Variants in UGT2B17 observed in about 807,000 individuals in gnomAD.
UGT2B17 encodes the protein UDP-glucuronosyltransferase 2B17.
UGT2B17 carries 21 observed loss-of-function variants against 48.2 expected under a neutral mutation model. That is an observed-to-expected ratio of 0.44 (90% CI 0.31 to 0.63). The LOEUF (loss-of-function observed/expected upper bound fraction) is 0.63, where lower values mean the gene tolerates loss of function less well. Ranked by LOEUF, UGT2B17 falls within the 20% of genes least tolerant of loss-of-function variation. The pLI, the probability that UGT2B17 is intolerant of heterozygous loss-of-function variation, is 0.08. For missense variants in UGT2B17, 402 were observed against 696.1 expected, an observed-to-expected ratio of 0.58 and a Z score of 4.75; for synonymous variants, 146 against 238.4, an observed-to-expected ratio of 0.61 and a Z score of 3.57.
Position 68,567,786 on chromosome 4 carries a change from C to G in UGT2B17, c.699G>C (p.Trp233Cys), listed in dbSNP as rs1406846291. The change falls in exon 2 of 7, where the codon TGG (tryptophan) becomes TGC (cysteine). Residue 233 changes from tryptophan to cysteine, a missense_variant. Around this residue, in one of 5 missense-constraint regions of UGT2B17, gnomAD observed 106 missense variants for 169.8 expected, o/e 0.62. Transcript: ENST00000317746. ...FWFQAYDLKK[W>C]DQFYSEVLGR... ...CTAGAACTTCACTATAAAACTGGTC[C>G]CACTTCTTCAGATCATATGCTTGAA... 7.4e-7 allele frequency: 1 copy of G among 1,348,170 alleles called. No individual in the cohort carries two copies. The highest frequency in any genetic ancestry group is 9.6e-7 in the Non-Finnish European group (1 of 1,042,780). The allele number at this position is 1,348,170 out of a possible 1,614,324, so 83.5% of individuals were successfully genotyped here.
At chr4:68,547,582 C>A (rs368492117) in intron 6 of UGT2B17, among the ~76,000 whole-genome samples, 4 of 125,084 alleles carry the variant, frequency 3.2e-5, no homozygotes, top group Non-Finnish European at 6.8e-5. Flanking sequence ...AATGGGATCT[C>A]ATTAAACTAA....
intron 6 of UGT2B17, among the ~76,000 whole-genome samples, chr4:68,549,411 A>C (rs1289132867): frequency 8.0e-6 from 1 of 124,954 alleles, no homozygotes; most frequent in African/African-American, 2.7e-5. Context: ...ATATTTGATA[A>C]GGGATAGTAT....
Position 68,570,652 on chromosome 4 carries a change from T to C in UGT2B17, c.-64-2104A>G, listed in dbSNP as rs1264485368. Among the ~76,000 whole-genome samples the C allele has an allele frequency of 1.6e-5, 2 of 126,868 alleles. 1 individual carries two copies. The highest frequency in any genetic ancestry group is 5.4e-5 in the African/African-American group (2 of 36,946). The allele number at this position is 126,868 out of a possible 152,430, so 83.2% of individuals were successfully genotyped here. A position where few individuals can be genotyped will look rare whatever the true frequency, so the allele number is the denominator to read the frequency against. ...TGGAATAGACTGATAGTGATTCATATAGTACAGTTGTGCTGAAGCATTTTG... is the reference window on the plus strand; with the variant it reads ...TGGAATAGACTGATAGTGATTCATACAGTACAGTTGTGCTGAAGCATTTTG... On this transcript the variant is annotated intron_variant, in intron 1 of 6. Transcript: ENST00000317746.
rs1318448932 is a variant in UGT2B17, at chr4:68,537,396, C to T, written c.*229G>A. On this transcript the variant is annotated 3_prime_UTR_variant, in exon 7 of 7. Coordinates refer to ENST00000317746, the MANE Select transcript of UGT2B17 (RefSeq NM_001077.4). ...TAGAATAATAAATTTCAATATAAGC[C>T]CATAAGGTTTTATATTATTATTTTT... is the stretch of plus-strand genomic sequence containing the variant. 1.2e-5 allele frequency: 4 copies of T among 320,572 alleles called. No homozygotes were observed. Among genetic ancestry groups the T allele is most frequent in the Non-Finnish European group, 1.9e-5 (4 of 210,340 alleles). 19.9% of individuals were successfully genotyped at this position (320,572 alleles called of 1,614,324 possible). A position where few individuals can be genotyped will look rare whatever the true frequency, so the allele number is the denominator to read the frequency against.
intron 6 of UGT2B17, among the ~76,000 whole-genome samples, chr4:68,539,709 C>T (rs1474146517): frequency 8.3e-6 from 1 of 119,766 alleles, no homozygotes; most frequent in Non-Finnish European, 1.7e-5. Context: ...GAATTTGAAT[C>T]TTATACAATT....
intron 2 of UGT2B17, among the ~76,000 whole-genome samples, chr4:68,566,979 C>T (rs1290911074): frequency 4.4e-5 from 5 of 114,934 alleles, no homozygotes; most frequent in Non-Finnish European, 7.1e-5. Context: ...ACACCTACTA[C>T]TGTCTTGGTT....
chr4:68,563,143 T>C (rs1409135465), intron 3 of UGT2B17, among the ~76,000 whole-genome samples: 1 of 127,454 alleles, frequency 7.8e-6, no homozygotes. Context: ...AAACACTTGA[T>C]ACTTTTTGGC....
chr4:68,565,876 T>C (rs1442671327), intron 2 of UGT2B17, among the ~76,000 whole-genome samples, 156 bp from the exon 3 acceptor site: 1 of 120,218 alleles, frequency 8.3e-6, no homozygotes, highest in African/African-American at 2.8e-5. Flanking sequence ...AATACATTTA[T>C]ATAATATAAT....
At chr4:68,564,289 TATATA>T (rs1731154844) in intron 3 of UGT2B17, among the ~76,000 whole-genome samples, 1 of 90,110 alleles carries the variant, frequency 1.1e-5, no homozygotes, top group African/African-American at 6.1e-5. Context: ...TATATATATA[TATATA>T]TTTTTTTTTT....
chr4:68,556,997 C>T lies in UGT2B17; in HGVS notation c.1005+3540G>A, dbSNP rs1162290385. Among the ~76,000 whole-genome samples the T allele has an allele frequency of 1.6e-5, 2 of 124,568 alleles. 1 individual carries two copies. The highest frequency in any genetic ancestry group is 3.4e-5 in the Non-Finnish European group (2 of 58,866). 81.7% of individuals were successfully genotyped at this position (124,568 alleles called of 152,430 possible). A position where few individuals can be genotyped will look rare whatever the true frequency, so the allele number is the denominator to read the frequency against. ...AAAGTCCAAAAATGACATAATTTGG[C>T]TTATTTGGTATAAAAATTATACAGG... is the stretch of plus-strand genomic sequence containing the variant. On this transcript the variant is annotated intron_variant, in intron 4 of 6. Coordinates refer to ENST00000317746, the MANE Select transcript of UGT2B17 (RefSeq NM_001077.4).
intron 1 of UGT2B17, among the ~76,000 whole-genome samples, chr4:68,574,753 T>C (rs1161229911): frequency 7.9e-6 from 1 of 126,636 alleles, no homozygotes; most frequent in Non-Finnish European, 1.7e-5. Flanking sequence ...GCCTTATTAC[T>C]TTTAAATTAT....
In UGT2B17 at chr4:68,537,770, T is replaced by C; in HGVS notation, c.1448A>G (p.Asn483Ser). Reference sequence around the variant, plus strand: ...AGAGTGGTACTGGATCCAGGTGAGGTTGTGGGCTGCGACCCGAAGGTGCTT... The same window carrying C: ...AGAGTGGTACTGGATCCAGGTGAGGCTGTGGGCTGCGACCCGAAGGTGCTT... The part of the protein sequence containing the change: ...GAKHLRVAAH[N>S]LTWIQYHSLD... The change falls in exon 7 of 7, where the codon AAC (asparagine) becomes AGC (serine). Residue 483 changes from asparagine (N) to serine (S), a missense_variant. Coordinates refer to ENST00000317746, the MANE Select transcript of UGT2B17 (RefSeq NM_001077.4). 4.4e-6 allele frequency: 6 copies of C among 1,378,702 alleles called. 1 individual carries two copies. Among genetic ancestry groups the C allele is most frequent in the Non-Finnish European group, 5.7e-6 (6 of 1,054,634 alleles). 85.4% of individuals were successfully genotyped at this position (1,378,702 alleles called of 1,614,324 possible).
chr4:68,543,205 C>T (rs538564281), intron 6 of UGT2B17, among the ~76,000 whole-genome samples: 1 of 125,724 alleles, frequency 8.0e-6, no homozygotes, highest in African/African-American at 2.7e-5. Flanking sequence ...GGCAGACTGA[C>T]ACCTCACACA....
chr4:68,568,208 T>A lies in UGT2B17; in HGVS notation c.277A>T (p.Met93Leu). The change falls in exon 2 of 7, where the codon ATG becomes TTG. Residue 93 changes from methionine to leucine, a missense_variant. By Grantham distance (15) the Met-to-Leu change is conservative. This residue lies in a region of UGT2B17 where 84 missense variants were observed against 92.6 expected (regional missense o/e 0.91). Coordinates refer to ENST00000317746, the MANE Select transcript of UGT2B17 (RefSeq NM_001077.4). ...KNDLEDFFMK[M>L]FDRWTYSISK... ...ATACTATATGTCCATCTATCGAACA[T>A]TTTCATAAAAAAATCTTCCAAATCA... 1.5e-6 allele frequency: 2 copies of A among 1,372,814 alleles called. 1 individual carries two copies. The highest frequency in any genetic ancestry group is 1.9e-6 in the Non-Finnish European group (2 of 1,052,612). 85.0% of individuals were successfully genotyped at this position (1,372,814 alleles called of 1,614,324 possible).
At chr4:68,564,909 T>C (rs1387145842) in intron 3 of UGT2B17, among the ~76,000 whole-genome samples, 3 of 124,538 alleles carry the variant, frequency 2.4e-5, no homozygotes, top group Admixed American at 8.3e-5. Flanking sequence ...GGTTTTACCA[T>C]GTTGCCCAGG....
chr4:68,562,244 T>G, intron 3 of UGT2B17, among the ~76,000 whole-genome samples: 1 of 123,932 alleles, frequency 8.1e-6, no homozygotes, highest in Non-Finnish European at 1.7e-5. Context: ...GCCTCCTGAG[T>G]AGCTGGGATT....
Position 68,554,434 on chromosome 4 carries a change from T to A in UGT2B17, c.1006-2523A>T, listed in dbSNP as rs1730967135. Among the ~76,000 whole-genome samples, 3 of 125,772 alleles carry A rather than the reference T, an allele frequency of 2.4e-5. 1 individual carries two copies. Among genetic ancestry groups the A allele is most frequent in the African/African-American group, 8.1e-5 (3 of 36,826 alleles). 82.5% of individuals were successfully genotyped at this position (125,772 alleles called of 152,430 possible). A position where few individuals can be genotyped will look rare whatever the true frequency, so the allele number is the denominator to read the frequency against. On this transcript the variant is annotated intron_variant, in intron 4 of 6. Transcript: ENST00000317746. ...CTGTAGAGTTCCTAAGTTCTCTCTTTTTTAAAAATTTTCTTTTATTCTTGC... is the reference window on the plus strand; with the variant it reads ...CTGTAGAGTTCCTAAGTTCTCTCTTATTTAAAAATTTTCTTTTATTCTTGC...
Position 68,550,910 on chromosome 4 carries a change from C to A in UGT2B17, c.1094-14G>T, listed in dbSNP as rs751132085. The stretch of plus-strand genomic sequence containing the variant: ...TTTTGGGATGACCTAAAAGTGGATG[C>A]ATTTTAACAAAGTTATTAATTATAA... On this transcript the variant is annotated splice_polypyrimidine_tract_variant and intron_variant, in intron 5 of 6. Coordinates refer to ENST00000317746, the MANE Select transcript of UGT2B17 (RefSeq NM_001077.4). 9.7e-6 allele frequency: 13 copies of A among 1,343,832 alleles called. 4 individuals carry two copies. The South Asian group carries it at 2.3e-4, about 24-fold the overall frequency. The allele number at this position is 1,343,832 out of a possible 1,614,324, so 83.2% of individuals were successfully genotyped here.
chr4:68,545,687 T>C lies in UGT2B17; in HGVS notation c.1313+4990A>G, dbSNP rs1406183773. Reference sequence around the variant, plus strand: ...ATTGATAGACTGCTAGCAAGACTAATAAAGAAGAAAAGAGAGACGAATCAA... The same window carrying C: ...ATTGATAGACTGCTAGCAAGACTAACAAAGAAGAAAAGAGAGACGAATCAA... On this transcript the variant is annotated intron_variant, in intron 6 of 6. Coordinates refer to ENST00000317746, the MANE Select transcript of UGT2B17 (RefSeq NM_001077.4). Among the ~76,000 whole-genome samples the C allele has an allele frequency of 1.6e-5, 2 of 124,278 alleles. 1 individual carries two copies. Among genetic ancestry groups the C allele is most frequent in the African/African-American group, 5.5e-5 (2 of 36,380 alleles). The allele number at this position is 124,278 out of a possible 152,430, so 81.5% of individuals were successfully genotyped here. A position where few individuals can be genotyped will look rare whatever the true frequency, so the allele number is the denominator to read the frequency against.
Sources: gnomAD v4.1 joint callset for allele counts (sites outside exome capture counted in the v4.1 genomes callset) on GRCh38, gnomAD v4.1.1 for gene constraint, gnomAD v4.1.1 regional missense constraint, MANE v1.5 for transcripts, NCBI Gene and HGNC (gene_info 2026-07-23, HGNC 2026-07-21) for gene names.